The following DNASE1L1 variants were observed in gnomAD, a reference collection of about 807,000 sequenced individuals.
DNASE1L1 encodes deoxyribonuclease 1 like 1, also known as deoxyribonuclease-1-like 1.
A neutral mutation model predicts 18.6 loss-of-function variants in DNASE1L1; 8 were observed. That is an observed-to-expected ratio of 0.43 (90% CI 0.25 to 0.78). The LOEUF is 0.78. Ranked by LOEUF, DNASE1L1 falls within the 30% of genes least tolerant of loss-of-function variation. DNASE1L1 has a pLI of 0.23. For synonymous variants in DNASE1L1, 114 were observed against 114.2 expected (o/e 1.00, Z 0.01); for missense variants, 214 against 258.2 (o/e 0.83, Z 1.17).
At chrX:154,406,413 G>A (rs2068153492) in intron 1 of DNASE1L1, among the ~76,000 whole-genome samples, 1 of 89,500 alleles carries the variant, frequency 1.1e-5, no homozygotes, top group African/African-American at 4.4e-5. Context: ...CTTGCTGCCC[G>A]GGCTGGAGTG....
rs983750224 is a variant in DNASE1L1, at chrX:154,401,989, C to T, written c.*718G>A. ...TTTGCTGTGTCCTGCAGCCCCTTTC[C>T]GGGACACCTGGGTTCACACAGCTTT... On this transcript the variant is annotated 3_prime_UTR_variant, in exon 8 of 8. Transcript: ENST00000369807. The T allele has an allele frequency of 9.0e-6, 1 of 111,647 alleles. No individual in the cohort carries two copies. Among genetic ancestry groups the T allele is most frequent in the Non-Finnish European group, 1.9e-5 (1 of 53,175 alleles). 9.2% of individuals were successfully genotyped at this position (111,647 alleles called of 1,213,427 possible).
At chrX:154,402,894 G>T in intron 7 of DNASE1L1, 48 bp downstream of exon 7, 1 of 1,205,317 alleles carries the variant, frequency 8.3e-7, no homozygotes, top group Non-Finnish European at 1.1e-6. Context: ...GGGCTTCCCT[G>T]TGACCCTGCT....
Position 154,405,452 on chromosome X carries a change from C to A in DNASE1L1, c.117G>T (p.Val39=). The A allele has an allele frequency of 8.4e-7, 1 of 1,196,241 alleles. No individual in the cohort carries two copies. Among genetic ancestry groups the A allele is most frequent in the Non-Finnish European group, 1.1e-6 (1 of 884,175 alleles). The change falls in exon 2 of 8, where the codon GTG becomes GTT. Residue 39 remains valine (V), a synonymous_variant. Transcript: ENST00000369807. The part of the protein sequence containing the change: ...LTLAKVAREQ[V]MDTLVRILAR... ...AACTTACCCGAACTAAGGTGTCCAT[C>A]ACCTGCTCCCTGGCCACCTTGGCCA...
At chrX:154,411,885 G>A, upstream of DNASE1L1, 2 of 1,206,230 alleles carry the variant, frequency 1.7e-6, no homozygotes, top group East Asian at 5.9e-5. Flanking sequence ...CGGTGCCGCC[G>A]CTCACCTGGA....
rs192626532 is a variant in DNASE1L1, at chrX:154,402,856, T to G, written c.775-15A>C. 202 of 1,204,969 alleles carry G rather than the reference T, an allele frequency of 1.7e-4. 2 individuals are homozygous for G. In the African/African-American group the frequency reaches 2.7e-3, roughly 16 times the overall value. On this transcript the variant is annotated splice_polypyrimidine_tract_variant and intron_variant, in intron 7 of 7. Transcript: ENST00000369807. Reference sequence around the variant, plus strand: ...ATGTTGAGGGCCTGGGAATGGGTGGTGGGGCAGTGTCAGTGCCCGGGGCCG... The same window carrying G: ...ATGTTGAGGGCCTGGGAATGGGTGGGGGGGCAGTGTCAGTGCCCGGGGCCG...
At chrX:154,407,218 A>ATT (rs782115573) in intron 1 of DNASE1L1, among the ~76,000 whole-genome samples, 275 of 25,758 alleles carry the variant, frequency 0.011, 90 homozygotes, top group Non-Finnish European at 0.019. Flanking sequence ...AAGTGCTGGG[A>ATT]TTTTTTTTTT....
At chrX:154,406,894 C>T (rs1557188637) in intron 1 of DNASE1L1, among the ~76,000 whole-genome samples, 1 of 110,403 alleles carries the variant, frequency 9.1e-6, no homozygotes, top group African/African-American at 3.3e-5. Flanking sequence ...GCGCCCAGCC[C>T]CTGCTTTCAG....
rs1455927168 is a variant in DNASE1L1, at chrX:154,401,514, C to A, written c.*1193G>T. On this transcript the variant is annotated 3_prime_UTR_variant, in exon 8 of 8. Coordinates refer to ENST00000369807, the MANE Select transcript of DNASE1L1 (RefSeq NM_001303620.2). ...TTGTAACAAGACCTCGGAACAGACACGTGTGTGGCATGGTTTGGCCTGGGG... is the reference window on the plus strand; with the variant it reads ...TTGTAACAAGACCTCGGAACAGACAAGTGTGTGGCATGGTTTGGCCTGGGG... 7 of 119,753 alleles carry A rather than the reference C, an allele frequency of 5.8e-5. No homozygotes were observed. Among genetic ancestry groups the A allele is most frequent in the Admixed American group, 5.7e-4 (7 of 12,236 alleles). 9.9% of individuals were successfully genotyped at this position (119,753 alleles called of 1,213,427 possible).
upstream of DNASE1L1, among the ~76,000 whole-genome samples, chrX:154,410,600 T>C (rs28707281): frequency 9.1e-6 from 1 of 110,324 alleles, no homozygotes; most frequent in Admixed American, 9.6e-5. Flanking sequence ...CCGGGTGCGG[T>C]GGCCCATGCC....
chrX:154,406,368 G>GT (rs57476394), intron 1 of DNASE1L1, among the ~76,000 whole-genome samples: 14,516 of 84,597 alleles, frequency 0.17, 1,788 homozygotes, highest in African/African-American at 0.37. Flanking sequence ...CATCCATCTG[G>GT]TTTTTTTTTT....
chrX:154,410,618 C>T (rs1389012445), upstream of DNASE1L1, among the ~76,000 whole-genome samples: 1 of 110,580 alleles, frequency 9.0e-6, no homozygotes, highest in East Asian at 2.8e-4. Flanking sequence ...GCCTGTAATC[C>T]TAGCACTTTG....
At chrX:154,406,775 G>A (rs1479247447) in intron 1 of DNASE1L1, among the ~76,000 whole-genome samples, 1 of 105,492 alleles carries the variant, frequency 9.5e-6, no homozygotes, top group African/African-American at 3.5e-5. Flanking sequence ...CTGCTAAAGT[G>A]CTGGGATTGC....
rs1569552540 is a variant in DNASE1L1, at chrX:154,409,098, G to C, written c.-88+14C>G. On this transcript the variant is annotated intron_variant, in intron 1 of 7. Transcript: ENST00000369807. Reference sequence around the variant, plus strand: ...CTTCCTCCCTTCTTCCGTCTCCCCAGGGGGCTCCCATACCTGCTCAGACCA... The same window carrying C: ...CTTCCTCCCTTCTTCCGTCTCCCCACGGGGCTCCCATACCTGCTCAGACCA... 1 of 339,067 alleles carries C rather than the reference G, an allele frequency of 2.9e-6. No homozygotes were observed. The highest frequency in any genetic ancestry group is 5.9e-6 in the Non-Finnish European group (1 of 168,759). The allele number at this position is 339,067 out of a possible 1,213,427, so 27.9% of individuals were successfully genotyped here. A position where few individuals can be genotyped will look rare whatever the true frequency, so the allele number is the denominator to read the frequency against.
intron 1 of DNASE1L1, among the ~76,000 whole-genome samples, chrX:154,406,368 G>GTTT (rs57476394): frequency 2.4e-5 from 2 of 84,759 alleles, no homozygotes; most frequent in African/African-American, 9.8e-5. Flanking sequence ...CATCCATCTG[G>GTTT]TTTTTTTTTT....
In DNASE1L1 at chrX:154,403,195, A is replaced by C. The variant is rs781859395; in HGVS notation, c.526-5T>G. ...GTCCCCAAGCAGGATCACGTCCTAG[A>C]GACACAGCAGCCATCAGGCTGGCCG... On this transcript the variant is annotated splice_region_variant and splice_polypyrimidine_tract_variant and intron_variant, in intron 6 of 7. Transcript: ENST00000369807. 3 of 1,208,610 alleles carry C rather than the reference A, an allele frequency of 2.5e-6. No homozygotes were observed. The Admixed American group carries it at 6.6e-5, about 26-fold the overall frequency.
At position 154,403,720 on chromosome X, in the gene DNASE1L1, G is replaced by C. The variant is rs782074216; in HGVS notation, c.312-98C>G. On this transcript the variant is annotated intron_variant, in intron 4 of 7. Coordinates refer to ENST00000369807, the MANE Select transcript of DNASE1L1 (RefSeq NM_001303620.2). ...CAGGGAGGGGCCCTCCACTAACAGC[G>C]GCAATGTGGGCACAGCCCTCCCAAC... The C allele has an allele frequency of 2.8e-5, 18 of 648,934 alleles. No homozygotes were observed. The South Asian group carries it at 4.1e-4, about 15-fold the overall frequency. The allele number at this position is 648,934 out of a possible 1,213,427, so 53.5% of individuals were successfully genotyped here.
intron 1 of DNASE1L1, among the ~76,000 whole-genome samples, chrX:154,408,093 C>T (rs782070124): frequency 1.1e-3 from 125 of 109,802 alleles, no homozygotes; most frequent in Middle Eastern, 9.3e-3. Context: ...CCACCACACC[C>T]GGCTAATTTT....
rs2068077624 is a variant in DNASE1L1, at chrX:154,403,115, G to A, written c.601C>T (p.Arg201Trp). Reference sequence around the variant, plus strand: ...ACCCAGTGGAAGCCTGGCTCAGTCCGCAGCTCCAGCTTGTCCAGGCGCTTT... The same window carrying A: ...ACCCAGTGGAAGCCTGGCTCAGTCCACAGCTCCAGCTTGTCCAGGCGCTTT... ...TKKRLDKLEL[R>W]TEPGFHWVIA... Residue 201 changes from arginine (R) to tryptophan (W), a missense_variant, in exon 7 of 8, where the codon CGG becomes TGG. By Grantham distance (101) the Arg-to-Trp change is moderately radical (BLOSUM62 -3). Transcript: ENST00000369807. The A allele has an allele frequency of 8.3e-7, 1 of 1,211,755 alleles. No homozygotes were observed. Among genetic ancestry groups the A allele is most frequent in the East Asian group, 3.0e-5 (1 of 33,855 alleles).
rs1557188333 is a variant in DNASE1L1, at chrX:154,405,666, G to C, written c.-87-11C>G. 2.2e-6 allele frequency: 2 copies of C among 915,133 alleles called. No individual in the cohort carries two copies. The highest frequency in any genetic ancestry group is 2.9e-6 in the Non-Finnish European group (2 of 701,217). 75.4% of individuals were successfully genotyped at this position (915,133 alleles called of 1,213,427 possible). A position where few individuals can be genotyped will look rare whatever the true frequency, so the allele number is the denominator to read the frequency against. The stretch of plus-strand genomic sequence containing the variant: ...CTGGCTCTGGAAGCGCTGAAATATG[G>C]AACAGAGAAAGTGGCACTAGCTGCT... On this transcript the variant is annotated splice_polypyrimidine_tract_variant and intron_variant, in intron 1 of 7. Coordinates refer to ENST00000369807, the MANE Select transcript of DNASE1L1 (RefSeq NM_001303620.2).
Sources: gnomAD v4.1 joint callset for allele counts (sites outside exome capture counted in the v4.1 genomes callset) on GRCh38, gnomAD v4.1.1 for gene constraint, MANE v1.5 for transcripts, NCBI Gene and HGNC (gene_info 2026-07-23, HGNC 2026-07-21) for gene names.